The following SH3GL3 variants were observed in gnomAD, a reference collection of about 807,000 sequenced individuals.
SH3GL3 encodes the protein endophilin-A3.
A neutral mutation model predicts 47.7 loss-of-function variants in SH3GL3; 33 were observed. That is an observed-to-expected ratio of 0.69 (90% CI 0.52 to 0.92). The LOEUF (loss-of-function observed/expected upper bound fraction) is 0.92, where lower values mean the gene tolerates loss of function less well. Among genes scored for constraint, SH3GL3 ranks in the 40% least tolerant of loss-of-function variants. SH3GL3 has a pLI of 0.00. For synonymous variants in SH3GL3, 155 were observed against 148.8 expected, an observed-to-expected ratio of 1.04 and a Z score of -0.30; for missense variants, 363 against 417.8, an observed-to-expected ratio of 0.87 and a Z score of 1.14.
intron 1 of SH3GL3, among the ~76,000 whole-genome samples, chr15:83,466,786 G>GT (rs1364441334): frequency 6.6e-6 from 1 of 152,094 alleles, no homozygotes; most frequent in Non-Finnish European, 1.5e-5. Flanking sequence ...TTTAATTTGC[G>GT]TTTCCCTAAT....
intron 4 of SH3GL3, among the ~76,000 whole-genome samples, chr15:83,571,329 G>A (rs1314084282): frequency 6.6e-6 from 1 of 152,218 alleles, no homozygotes; most frequent in Non-Finnish European, 1.5e-5. Context: ...ACTGGTGGCA[G>A]AGGGGCTGTG....
intron 1 of SH3GL3, among the ~76,000 whole-genome samples, chr15:83,508,945 G>A (rs1041335600): frequency 7.2e-5 from 11 of 152,156 alleles, no homozygotes; most frequent in African/African-American, 2.4e-4. Context: ...TTTTAGAGGG[G>A]CCGGGGTAGA....
intron 3 of SH3GL3, among the ~76,000 whole-genome samples, chr15:83,566,463 G>A (rs1046222889): frequency 3.3e-5 from 5 of 150,994 alleles, no homozygotes; most frequent in Non-Finnish European, 7.4e-5. Flanking sequence ...ATGCTTTGAG[G>A]ATAAATGTGA....
chr15:83,448,085 C>A lies in SH3GL3; in HGVS notation c.45+507C>A, dbSNP rs1415417746. Among the ~76,000 whole-genome samples the A allele has an allele frequency of 6.6e-6, 1 of 152,162 alleles. No individual in the cohort carries two copies. The highest frequency in any genetic ancestry group is 1.5e-5 in the Non-Finnish European group (1 of 68,024). On this transcript the variant is annotated intron_variant, in intron 1 of 8. Transcript: ENST00000427482. The surrounding 1 kb of genome is among the most constrained non-coding windows in gnomAD (Gnocchi z 4.2). ...GCTCCCCGCGCGCGCATCGAAATGG[C>A]CCCGTCTGGACTGTGCCCGGCTCCC...
At chr15:83,460,569 C>A (rs539717204) in intron 1 of SH3GL3, among the ~76,000 whole-genome samples, 1 of 152,170 alleles carries the variant, frequency 6.6e-6, no homozygotes, top group East Asian at 1.9e-4. Flanking sequence ...GGAAACAGAA[C>A]TTTCATGTTT....
intron 8 of SH3GL3, among the ~76,000 whole-genome samples, chr15:83,591,996 A>AT (rs2060119556): frequency 6.6e-6 from 1 of 152,210 alleles, no homozygotes. Context: ...TTTAAAAAAA[A>AT]CATGGTGCAA....
intron 1 of SH3GL3, among the ~76,000 whole-genome samples, chr15:83,450,052 T>G (rs543330908): frequency 6.6e-6 from 1 of 152,322 alleles, no homozygotes; most frequent in East Asian, 1.9e-4. Context: ...TAAAATAATT[T>G]CCAGGGATCT....
intron 8 of SH3GL3, among the ~76,000 whole-genome samples, chr15:83,610,190 C>CAA (rs2060625049): frequency 6.6e-6 from 1 of 152,204 alleles, no homozygotes; most frequent in Non-Finnish European, 1.5e-5. Flanking sequence ...CCCAAAGGCT[C>CAA]ATTCCAAGCC....
intron 6 of SH3GL3, among the ~76,000 whole-genome samples, chr15:83,577,054 C>T (rs1471211590): frequency 6.7e-6 from 1 of 150,354 alleles, no homozygotes; most frequent in Non-Finnish European, 1.5e-5. Context: ...AGGATTACAG[C>T]CACGCACCAC....
chr15:83,557,943 T>C (rs1357415022), intron 1 of SH3GL3, among the ~76,000 whole-genome samples: 1 of 152,204 alleles, frequency 6.6e-6, no homozygotes, highest in African/African-American at 2.4e-5. Flanking sequence ...AAGAAATTCC[T>C]TCTCACACTT....
intron 1 of SH3GL3, among the ~76,000 whole-genome samples, chr15:83,484,821 G>A (rs574670230): frequency 6.7e-4 from 102 of 152,268 alleles, no homozygotes; most frequent in African/African-American, 2.2e-3. Flanking sequence ...TTTCAAATAC[G>A]TTCTTCAAGA....
intron 7 of SH3GL3, among the ~76,000 whole-genome samples, chr15:83,587,334 C>CT (rs1236713652): frequency 8.6e-5 from 13 of 151,686 alleles, no homozygotes; most frequent in East Asian, 7.8e-4. Context: ...CATTAAATCC[C>CT]TTTTTTTTGT....
intron 1 of SH3GL3, chr15:83,487,972 T>C (rs2041689826): frequency 6.6e-6 from 1 of 151,480 alleles, no homozygotes; most frequent in African/African-American, 2.4e-5. Context: ...GCCTCCTGGG[T>C]TCAAGTGATT....
chr15:83,605,473 TAAC>T (rs1209307001), intron 8 of SH3GL3, among the ~76,000 whole-genome samples: 1 of 151,298 alleles, frequency 6.6e-6, no homozygotes, highest in Non-Finnish European at 1.5e-5. Context: ...AGCATTTCAC[TAAC>T]AAATGAAAGC....
intron 1 of SH3GL3, among the ~76,000 whole-genome samples, chr15:83,487,354 C>T (rs189357770): frequency 4.6e-5 from 7 of 152,060 alleles, no homozygotes; most frequent in Non-Finnish European, 1.0e-4. Flanking sequence ...CTGTGCCTTG[C>T]ATGTCTTATA....
At chr15:83,560,780 T>C (rs2045227978) in intron 2 of SH3GL3, among the ~76,000 whole-genome samples, 1 of 151,886 alleles carries the variant, frequency 6.6e-6, no homozygotes, top group Non-Finnish European at 1.5e-5. Flanking sequence ...GATACAGAAA[T>C]GAGAAAGTAA....
In SH3GL3 at chr15:83,523,896, A is replaced by G. The variant is rs74024507; in HGVS notation, c.46-35357A>G. 3.2e-3 allele frequency among the ~76,000 whole-genome samples: 485 copies of G among 151,764 alleles called. 4 individuals are homozygous for G. The highest frequency in any genetic ancestry group is 0.011 in the African/African-American group (466 of 41,308). On this transcript the variant is annotated intron_variant, in intron 1 of 8. Transcript: ENST00000427482. ...GCAACAACTGCCTCTGCAAACATCA[A>G]AATCCTCCAAAAGAGTGAATGGGGA...
At chr15:83,629,716 A>T in the SH3GL3 span, among the ~76,000 whole-genome samples, 6 of 152,138 alleles carry the variant, frequency 3.9e-5, no homozygotes, top group Non-Finnish European at 7.4e-5. Flanking sequence ...GCTACTTAGG[A>T]GGCTTAGGTG....
chr15:83,588,867 A>G (rs2060019503), intron 8 of SH3GL3, 96 bp downstream of exon 8: 1 of 706,124 alleles, frequency 1.4e-6, no homozygotes, highest in South Asian at 1.6e-5. Flanking sequence ...GAATACACAC[A>G]GACCCTGGAT....
Sources: allele counts gnomAD v4.1 joint callset (sites outside exome capture counted in the v4.1 genomes callset), GRCh38; gene constraint gnomAD v4.1.1; non-coding constraint Gnocchi (gnomAD v3.1); transcripts MANE v1.5; gene names NCBI Gene and HGNC (gene_info 2026-07-23, HGNC 2026-07-21).